TRRAP: variants seen among roughly 807,000 people sequenced by gnomAD.
The protein encoded by TRRAP is transformation/transcription domain associated protein, also known as transformation/transcription domain-associated protein.
A neutral mutation model predicts 438.8 loss-of-function variants in TRRAP; 41 were observed. The ratio of observed to expected loss-of-function variants is 0.09; its 90% confidence interval spans 0.07 to 0.12. The LOEUF is 0.12. TRRAP is among the 10% of genes least tolerant of loss of function. The probability of loss-of-function intolerance (pLI) is 1.00; values close to 1 mark genes in which losing one functional copy is unlikely to be tolerated. For synonymous variants in TRRAP, 1,994 were observed against 1,962.9 expected (o/e 1.02, Z -0.42); for missense variants, 3,122 against 5,055.1 (o/e 0.62, Z 11.60).
At chr7:98,990,370 C>T in intron 63 of TRRAP, 85 bp from the exon 64 acceptor site, 5 of 1,497,962 alleles carry the variant, frequency 3.3e-6, no homozygotes, top group Non-Finnish European at 4.6e-6. Flanking sequence ...CCGCTCTATA[C>T]AGTGTTGTAA....
chr7:98,889,549 T>C (rs1465629247), intron 3 of TRRAP, among the ~76,000 whole-genome samples: 1 of 63,858 alleles, frequency 1.6e-5, no homozygotes, highest in African/African-American at 2.9e-5. Flanking sequence ...TTTTTTTTTT[T>C]TTTTTTAAAA....
intron 70 of TRRAP, among the ~76,000 whole-genome samples, chr7:99,009,963 C>T (rs1794357098): frequency 6.6e-6 from 1 of 150,852 alleles, no homozygotes; most frequent in Admixed American, 6.6e-5. Flanking sequence ...TCTCGGCTCA[C>T]CGCATCCTCC....
Position 99,012,384 on chromosome 7 carries a change from G to C in TRRAP, c.*29G>C, listed in dbSNP as rs1482993063. 6.4e-7 allele frequency: 1 copy of C among 1,563,772 alleles called. No individual in the cohort carries two copies. Among genetic ancestry groups the C allele is most frequent in the Non-Finnish European group, 8.7e-7 (1 of 1,152,318 alleles). ...TGGCCGCCACGGCCACCCGGAATGTGAAGGGCGCTCCGGGCTCTGAGCCCG... is the reference window on the plus strand; with the variant it reads ...TGGCCGCCACGGCCACCCGGAATGTCAAGGGCGCTCCGGGCTCTGAGCCCG... On this transcript the variant is annotated 3_prime_UTR_variant, in exon 73 of 73. Transcript: ENST00000456197. This position sits in a 1 kb window ranked among gnomAD's most constrained non-coding sequence, Gnocchi z 5.9.
chr7:98,880,262 G>GTTTTGTTTTTT (rs1554402830), intron 1 of TRRAP, among the ~76,000 whole-genome samples: 1 of 132,108 alleles, frequency 7.6e-6, no homozygotes, highest in Non-Finnish European at 1.6e-5. Context: ...TGTTGTTGTT[G>GTTTTGTTTTTT]TTTTTTTTTT....
At chr7:98,925,797 A>G (rs1305620122) in intron 22 of TRRAP, among the ~76,000 whole-genome samples, 1 of 152,214 alleles carries the variant, frequency 6.6e-6, no homozygotes, top group Non-Finnish European at 1.5e-5. Context: ...CACATTCTTC[A>G]CTGCATCAGA....
chr7:99,001,855 T>C (rs1161204771), intron 67 of TRRAP, among the ~76,000 whole-genome samples: 2 of 152,172 alleles, frequency 1.3e-5, no homozygotes, highest in African/African-American at 4.8e-5. Context: ...TACACAAATA[T>C]TCAGAGCCTT....
intron 39 of TRRAP, 74 bp from the exon 40 acceptor site, chr7:98,953,093 A>T: frequency 1.3e-5 from 19 of 1,507,302 alleles, no homozygotes; most frequent in Middle Eastern, 1.8e-4. Context: ...TTAAGGCTTA[A>T]ACCTGTCGTA....
Position 98,903,446 on chromosome 7 carries a change from C to T in TRRAP, c.965C>T (p.Ala322Val). 6.2e-7 allele frequency: 1 copy of T among 1,614,186 alleles called. No individual in the cohort carries two copies. Among genetic ancestry groups the T allele is most frequent in the East Asian group, 2.2e-5 (1 of 44,878 alleles). The part of the protein sequence containing the change: ...GMLQLLSNCP[A>V]ETAHLRKELL... ...CTCCAGTTACTTTCAAATTGTCCAG[C>T]AGAGACTGCACACCTCAGAAAGGAG... Residue 322 changes from alanine (A) to valine (V), a missense_variant, in exon 12 of 73, where the codon GCA becomes GTA. This residue lies in a region of TRRAP where 343 missense variants were observed against 564.0 expected (regional missense o/e 0.61). Coordinates refer to ENST00000456197, the MANE Select transcript of TRRAP (RefSeq NM_001375524.1).
At chr7:98,880,234 C>T (rs1795358100) in intron 1 of TRRAP, among the ~76,000 whole-genome samples, 1 of 150,438 alleles carries the variant, frequency 6.6e-6, no homozygotes. Context: ...CCAATCCAGC[C>T]TGCTGCCTGC....
chr7:98,953,930 C>T (rs1245934554), intron 40 of TRRAP, among the ~76,000 whole-genome samples: 1 of 152,214 alleles, frequency 6.6e-6, no homozygotes, highest in African/African-American at 2.4e-5. Flanking sequence ...TCCTCAACAG[C>T]TTTGCTTTTA....
At chr7:98,887,040 A>G (rs1191485329) in intron 3 of TRRAP, among the ~76,000 whole-genome samples, 2 of 152,268 alleles carry the variant, frequency 1.3e-5, no homozygotes, top group East Asian at 1.9e-4. Flanking sequence ...AGCAGGGACT[A>G]CAGGCATGCA....
In TRRAP at chr7:98,930,200, G is replaced by A. The variant is rs542333877; in HGVS notation, c.3387G>A (p.Lys1129=). ...FDVASIILGS[K]ERACQLPLFS... is the part of the protein sequence containing the mutation. The stretch of plus-strand genomic sequence containing the variant: ...TTGCAAGTATCATCCTGGGCTCCAA[G>A]GAGAGGGTAAGGAAGGGTTGAGGAG... Residue 1129 remains lysine, a synonymous_variant, in exon 24 of 73, where the codon AAG becomes AAA. Coordinates refer to ENST00000456197, the MANE Select transcript of TRRAP (RefSeq NM_001375524.1). 2 of 1,614,168 alleles carry A rather than the reference G, an allele frequency of 1.2e-6. No homozygotes were observed. The highest frequency in any genetic ancestry group is 2.2e-5 in the East Asian group (1 of 44,876).
chr7:98,915,653 CTT>C (rs782639727), intron 18 of TRRAP, 68 bp from the exon 19 acceptor site: 5 of 1,527,756 alleles, frequency 3.3e-6, no homozygotes, highest in African/African-American at 1.4e-5. Context: ...TACAGTGACA[CTT>C]TAGAGTCTGG....
intron 20 of TRRAP, among the ~76,000 whole-genome samples, chr7:98,918,376 G>A (rs996847614): frequency 5.3e-5 from 8 of 151,640 alleles, no homozygotes; most frequent in African/African-American, 1.7e-4. Context: ...GACTACAGAC[G>A]CGTACCACCA....
chr7:98,902,659 G>A (rs1554406836), intron 11 of TRRAP, among the ~76,000 whole-genome samples: 1 of 152,064 alleles, frequency 6.6e-6, no homozygotes, highest in Admixed American at 6.6e-5. Context: ...GCGTTATCTT[G>A]GTGAGTGGCC....
intron 31 of TRRAP, 107 bp downstream of exon 31, chr7:98,943,124 C>T (rs782727777): frequency 3.2e-5 from 37 of 1,171,718 alleles, no homozygotes; most frequent in Admixed American, 4.0e-5. Context: ...CCTAGTTTGA[C>T]GTGATTGTAG....
At chr7:98,902,923 A>G (rs941512039) in intron 11 of TRRAP, among the ~76,000 whole-genome samples, 1 of 151,256 alleles carries the variant, frequency 6.6e-6, no homozygotes, top group African/African-American at 2.4e-5. Flanking sequence ...AAAAAAAAAA[A>G]AAAGAAAATT....
At chr7:98,910,672 AGTGGTGGGGTG>A (rs1789211039) in intron 16 of TRRAP, 65 bp downstream of exon 16, 1 of 1,376,652 alleles carries the variant, frequency 7.3e-7, no homozygotes, top group Non-Finnish European at 1.0e-6. Flanking sequence ...TAGAGGTCAT[AGTGGTGGGGTG>A]GCAGTGAGAG....
intron 26 of TRRAP, 34 bp downstream of exon 26, chr7:98,931,699 C>A: frequency 1.3e-6 from 2 of 1,590,320 alleles, no homozygotes; most frequent in Non-Finnish European, 1.7e-6. Context: ...AAGGTAATTT[C>A]AACAAAACTT....
Sources: allele counts gnomAD v4.1 joint callset (sites outside exome capture counted in the v4.1 genomes callset), GRCh38; gene constraint gnomAD v4.1.1; regional missense constraint gnomAD v4.1.1; non-coding constraint Gnocchi (gnomAD v3.1); transcripts MANE v1.5; gene names NCBI Gene and HGNC (gene_info 2026-07-23, HGNC 2026-07-21).